Variants in CLASP1 observed in about 807,000 individuals in gnomAD.
The protein encoded by CLASP1 is CLIP-associating protein 1.
CLASP1 carries 38 observed loss-of-function variants against 192.3 expected under a neutral mutation model. The observed-to-expected ratio is 0.20, with a 90% confidence interval of 0.15 to 0.26. The LOEUF (loss-of-function observed/expected upper bound fraction) is 0.26, where lower values mean the gene tolerates loss of function less well. Ranked by LOEUF, CLASP1 falls within the 10% of genes least tolerant of loss-of-function variation. CLASP1 has a pLI of 1.00. For missense variants in CLASP1, 1,433 were observed against 1,932.5 expected, an observed-to-expected ratio of 0.74 and a Z score of 4.85; for synonymous variants, 691 against 712.8, an observed-to-expected ratio of 0.97 and a Z score of 0.49.
At chr2:121,515,192 T>C (rs1320556914) in intron 7 of CLASP1, among the ~76,000 whole-genome samples, 2 of 152,234 alleles carry the variant, frequency 1.3e-5, no homozygotes, top group Admixed American at 6.5e-5. Flanking sequence ...CATGGGCTTA[T>C]ACACATTGTG....
intron 2 of CLASP1, among the ~76,000 whole-genome samples, chr2:121,551,102 G>A (rs376860548): frequency 2.0e-5 from 3 of 152,316 alleles, no homozygotes; most frequent in East Asian, 3.9e-4. Flanking sequence ...CATATAAACA[G>A]AATTGAAGAC....
chr2:121,542,573 T>C (rs2095255892), intron 2 of CLASP1, among the ~76,000 whole-genome samples: 1 of 152,206 alleles, frequency 6.6e-6, no homozygotes, highest in Non-Finnish European at 1.5e-5. Flanking sequence ...TTACCCAAAC[T>C]TGTTATCCTT....
At chr2:121,395,010 C>G (rs1234916911) in intron 30 of CLASP1, among the ~76,000 whole-genome samples, 1 of 152,114 alleles carries the variant, frequency 6.6e-6, no homozygotes, top group Non-Finnish European at 1.5e-5. Context: ...TTTGAACAAG[C>G]AAACTTCCTG....
At chr2:121,478,815 ACACACAAC>A (rs2092136480) in intron 8 of CLASP1, among the ~76,000 whole-genome samples, 4 of 54,360 alleles carry the variant, frequency 7.4e-5, no homozygotes, top group African/African-American at 2.2e-4. Flanking sequence ...CACACACCCC[ACACACAAC>A]CACACACCAC....
chr2:121,424,401 T>C (rs2080043331), intron 22 of CLASP1, among the ~76,000 whole-genome samples: 1 of 152,252 alleles, frequency 6.6e-6, no homozygotes, highest in Non-Finnish European at 1.5e-5. Context: ...TACAGTAGTC[T>C]GATTTTATAT....
intron 26 of CLASP1, chr2:121,403,793 G>A (rs757874026): frequency 6.2e-5 from 29 of 466,164 alleles, no homozygotes; most frequent in Non-Finnish European, 1.2e-4. Flanking sequence ...ATCAAAAAAA[G>A]CATTCCTTGG....
intron 1 of CLASP1, among the ~76,000 whole-genome samples, chr2:121,614,950 G>A (rs1393076238): frequency 1.3e-5 from 2 of 152,204 alleles, no homozygotes; most frequent in Non-Finnish European, 2.9e-5. Context: ...TTCAGAGGAA[G>A]GAATGGATTA....
chr2:121,395,414 TA>T (rs1268314342), intron 30 of CLASP1, among the ~76,000 whole-genome samples: 28 of 152,354 alleles, frequency 1.8e-4, no homozygotes, highest in Admixed American at 1.2e-3. Flanking sequence ...TATCATTCAT[TA>T]ATTCATTCAA....
intron 6 of CLASP1, among the ~76,000 whole-genome samples, chr2:121,521,341 T>A (rs889616038): frequency 5.3e-5 from 8 of 152,042 alleles, no homozygotes; most frequent in African/African-American, 1.7e-4. Context: ...AACCTTTCGA[T>A]ATGAAAGTTG....
At chr2:121,477,247 A>G (rs532532967) in intron 8 of CLASP1, among the ~76,000 whole-genome samples, 1 of 152,360 alleles carries the variant, frequency 6.6e-6, no homozygotes, top group Admixed American at 6.5e-5. Flanking sequence ...ACATGAAGAA[A>G]GGCAAAATTT....
At chr2:121,526,096 G>C in intron 5 of CLASP1, 176 bp from the exon 6 acceptor site, 1 of 610,718 alleles carries the variant, frequency 1.6e-6, no homozygotes, top group Non-Finnish European at 2.9e-6. Context: ...TGGCCCCTTT[G>C]CACAGAGTTC....
At chr2:121,445,400 T>C (rs546017378) in intron 19 of CLASP1, 2 of 1,204,386 alleles carry the variant, frequency 1.7e-6, no homozygotes, top group East Asian at 1.1e-4. Flanking sequence ...GCTCTAGCAA[T>C]GCCTATCCCA....
At chr2:121,464,531 T>C (rs1301957616) in intron 9 of CLASP1, among the ~76,000 whole-genome samples, 1 of 152,158 alleles carries the variant, frequency 6.6e-6, no homozygotes, top group Non-Finnish European at 1.5e-5. Flanking sequence ...TTTTAATGAT[T>C]GCCATCCTAA....
chr2:121,605,268 G>A (rs941581527), intron 2 of CLASP1, among the ~76,000 whole-genome samples: 3 of 152,080 alleles, frequency 2.0e-5, no homozygotes, highest in Admixed American at 1.3e-4. Context: ...CTTCACAACA[G>A]TGACCTGAAG....
chr2:121,526,528 A>G (rs1465121683), intron 5 of CLASP1, among the ~76,000 whole-genome samples: 1 of 152,182 alleles, frequency 6.6e-6, no homozygotes, highest in Non-Finnish European at 1.5e-5. Context: ...ACATTCCTAA[A>G]ACTGGAGCTA....
chr2:121,381,395 G>A (rs547677245), intron 33 of CLASP1, among the ~76,000 whole-genome samples: 1 of 152,022 alleles, frequency 6.6e-6, no homozygotes, highest in African/African-American at 2.4e-5. Flanking sequence ...GGACTGCCCA[G>A]TGCTCTAACA....
intron 1 of CLASP1, among the ~76,000 whole-genome samples, chr2:121,611,318 T>G (rs1186989553): frequency 7.8e-5 from 7 of 89,274 alleles, no homozygotes; most frequent in Non-Finnish European, 1.6e-4. Context: ...AAAGAGGAAC[T>G]GGAGGAGGAA....
At chr2:121,432,343 T>TCCTGACCTCAAGTGATCCA (rs1161002825) in intron 19 of CLASP1, among the ~76,000 whole-genome samples, 3 of 152,258 alleles carry the variant, frequency 2.0e-5, no homozygotes, top group African/African-American at 7.2e-5. Context: ...GGTCTCCAAC[T>TCCTGACCTCAAGTGATCCA]CCTGACCTCA....
chr2:121,412,062 C>G (rs1191079315), intron 23 of CLASP1, among the ~76,000 whole-genome samples: 1 of 152,060 alleles, frequency 6.6e-6, no homozygotes, highest in African/African-American at 2.4e-5. Flanking sequence ...TTGATCTTTC[C>G]TATAAAACAA....
Sources: allele counts gnomAD v4.1 joint callset (sites outside exome capture counted in the v4.1 genomes callset), GRCh38; gene constraint gnomAD v4.1.1; transcripts MANE v1.5; gene names NCBI Gene and HGNC (gene_info 2026-07-23, HGNC 2026-07-21).